ZNF324: variants seen among roughly 807,000 people sequenced by gnomAD.
ZNF324 encodes zinc finger protein 324, also known as zinc finger protein 324A.
Under a neutral mutation model 10.3 loss-of-function variants are expected in ZNF324, and 3 were observed. The ratio of observed to expected loss-of-function variants is 0.29; its 90% CI spans 0.13 to 0.75. The LOEUF (loss-of-function observed/expected upper bound fraction) is 0.75, where lower values mean the gene tolerates loss of function less well. Among genes scored for constraint, ZNF324 ranks in the 30% least tolerant of loss-of-function variants. The pLI, the probability that ZNF324 is intolerant of heterozygous loss-of-function variation, is 0.69. For missense variants in ZNF324, 763 were observed against 784.4 expected (o/e 0.97, Z 0.33); for synonymous variants, 430 against 339.5 (o/e 1.27, Z -2.93).
chr19:58,470,563 C>T (rs577922382), intron 3 of ZNF324, 168 bp from the exon 4 acceptor site: 6 of 799,812 alleles, frequency 7.5e-6, no homozygotes, highest in Middle Eastern at 4.4e-4. Context: ...CCTATCAGGG[C>T]AGATTGTTCC....
Position 58,475,387 on chromosome 19 carries a change from T to C in ZNF324, c.*3233T>C, listed in dbSNP as rs1463702799. The C allele has an allele frequency of 4.6e-5, 7 of 152,362 alleles. No homozygotes were observed. The highest frequency in any genetic ancestry group is 1.7e-4 in the African/African-American group (7 of 41,592). 9.4% of individuals were successfully genotyped at this position (152,362 alleles called of 1,614,324 possible). A position where few individuals can be genotyped will look rare whatever the true frequency, so the allele number is the denominator to read the frequency against. ...GAGAAACTAGTGTCACCCTGGCTAG[T>C]TCTGCTCCCCAAATTCAAAGGTAAA... is the stretch of plus-strand genomic sequence containing the variant. On this transcript the variant is annotated 3_prime_UTR_variant, in exon 4 of 4. Coordinates refer to ENST00000196482, the MANE Select transcript of ZNF324 (RefSeq NM_014347.3).
chr19:58,472,596 C>G lies in ZNF324; in HGVS notation c.*442C>G, dbSNP rs2053047216. The stretch of plus-strand genomic sequence containing the variant: ...ATGCCCGCTGAGGGTATTCTCCCCT[C>G]AACCCACTGCCTCTGTTCATCCAAG... On this transcript the variant is annotated 3_prime_UTR_variant, in exon 4 of 4. Transcript: ENST00000196482. The G allele has an allele frequency of 6.1e-6, 1 of 163,198 alleles. No homozygotes were observed. Among genetic ancestry groups the G allele is most frequent in the Admixed American group, 6.1e-5 (1 of 16,482 alleles). The allele number at this position is 163,198 out of a possible 1,614,324, so 10.1% of individuals were successfully genotyped here. A position where few individuals can be genotyped will look rare whatever the true frequency, so the allele number is the denominator to read the frequency against.
chr19:58,468,330 G>A, intron 1 of ZNF324: 1 of 821,876 alleles, frequency 1.2e-6, no homozygotes, highest in Non-Finnish European at 1.5e-6. Context: ...GGGATGCCTG[G>A]GGCTATTGGG....
rs1568611421 is a variant in ZNF324, at chr19:58,470,536, G to GTGTAGT, written c.239-194_239-189dup. On this transcript the variant is annotated intron_variant, in intron 3 of 3. Transcript: ENST00000196482. Reference sequence around the variant, plus strand: ...GCCACCTTGATCATGGGAGTGCCCAGTGTAGTCAGTGCCATACCTATCAGG... The same window carrying GTGTAGT: ...GCCACCTTGATCATGGGAGTGCCCAGTGTAGTTGTAGTCAGTGCCATACCTATCAGG... The GTGTAGT allele has an allele frequency of 4.2e-6, 3 of 719,260 alleles. No individual in the cohort carries two copies. In the East Asian group the frequency reaches 8.1e-5, roughly 19 times the overall value. The allele number at this position is 719,260 out of a possible 1,614,324, so 44.6% of individuals were successfully genotyped here. A position where few individuals can be genotyped will look rare whatever the true frequency, so the allele number is the denominator to read the frequency against.
chr19:58,469,113 A>G, intron 1 of ZNF324, 67 bp from the exon 2 acceptor site: 3 of 1,608,084 alleles, frequency 1.9e-6, no homozygotes, highest in East Asian at 2.2e-5. Flanking sequence ...AATGTGGCCC[A>G]GGGAAGCCAA....
chr19:58,473,934 TCTG>T lies in ZNF324; in HGVS notation c.*1787_*1789del, dbSNP rs1361998665. On this transcript the variant is annotated 3_prime_UTR_variant, in exon 4 of 4. Transcript: ENST00000196482. ...GAAACCAAGGCAGGGCTGTGTTCCT[TCTG>T]CTGCTGAGATAGAGGGTGTGGCCAT... 1.3e-5 allele frequency: 2 copies of T among 152,416 alleles called. No homozygotes were observed. The highest frequency in any genetic ancestry group is 2.1e-4 in the South Asian group (1 of 4,830). The allele number at this position is 152,416 out of a possible 1,614,324, so 9.4% of individuals were successfully genotyped here.
chr19:58,470,608 A>G (rs1568611466), intron 3 of ZNF324, 123 bp from the exon 4 acceptor site: 2 of 1,233,112 alleles, frequency 1.6e-6, no homozygotes, highest in Non-Finnish European at 2.4e-6. Context: ...GGCCAGCCTC[A>G]CCTCTACTTT....
rs2122425006 is a variant in ZNF324, at chr19:58,473,444, A to T, written c.*1290A>T. The T allele has an allele frequency of 6.7e-6, 1 of 149,830 alleles. No individual in the cohort carries two copies. The highest frequency in any genetic ancestry group is 1.5e-5 in the Non-Finnish European group (1 of 67,786). 9.3% of individuals were successfully genotyped at this position (149,830 alleles called of 1,614,324 possible). A position where few individuals can be genotyped will look rare whatever the true frequency, so the allele number is the denominator to read the frequency against. ...AAAAAAAAAAAGACTACCATCTGCA[A>T]CTCAGAGTAGGTGTTGCAGTTTCCT... is the stretch of plus-strand genomic sequence containing the variant. On this transcript the variant is annotated 3_prime_UTR_variant, in exon 4 of 4. Coordinates refer to ENST00000196482, the MANE Select transcript of ZNF324 (RefSeq NM_014347.3).
In ZNF324 at chr19:58,472,533, A is replaced by G; in HGVS notation, c.*379A>G. Reference sequence around the variant, plus strand: ...GCATGGGTTGGGGGTGGCCCAGAGAAACTTATGACAGCTGTACACAAACTG... The same window carrying G: ...GCATGGGTTGGGGGTGGCCCAGAGAGACTTATGACAGCTGTACACAAACTG... On this transcript the variant is annotated 3_prime_UTR_variant, in exon 4 of 4. Coordinates refer to ENST00000196482, the MANE Select transcript of ZNF324 (RefSeq NM_014347.3). The G allele has an allele frequency of 4.8e-6, 1 of 209,018 alleles. No individual in the cohort carries two copies. The highest frequency in any genetic ancestry group is 9.6e-6 in the Non-Finnish European group (1 of 104,218). The allele number at this position is 209,018 out of a possible 1,614,324, so 12.9% of individuals were successfully genotyped here. A position where few individuals can be genotyped will look rare whatever the true frequency, so the allele number is the denominator to read the frequency against.
chr19:58,473,412 T>TG lies in ZNF324; in HGVS notation c.*1260dup, dbSNP rs201238042. On this transcript the variant is annotated 3_prime_UTR_variant, in exon 4 of 4. Coordinates refer to ENST00000196482, the MANE Select transcript of ZNF324 (RefSeq NM_014347.3). ...CCAAGGAAATTCATGTTCTCCTTAA[T>TG]GGAAAAAAAAAAAAAAAGACTACCA... 2.4e-4 allele frequency: 1 copy of TG among 4,144 alleles called. No individual in the cohort carries two copies. The highest frequency in any genetic ancestry group is 2.6e-3 in the African/African-American group (1 of 382). 0.3% of individuals were successfully genotyped at this position (4,144 alleles called of 1,614,324 possible).
In ZNF324 at chr19:58,474,282, T is replaced by TG. The variant is rs1243212967; in HGVS notation, c.*2132dup. On this transcript the variant is annotated 3_prime_UTR_variant, in exon 4 of 4. Transcript: ENST00000196482. Reference sequence around the variant, plus strand: ...TTCCCTGCCTGAAAGAGCACTTTTCTGGGGAGCCCATGGGAGTCAGGAGCA... The same window carrying TG: ...TTCCCTGCCTGAAAGAGCACTTTTCTGGGGGAGCCCATGGGAGTCAGGAGCA... 6.6e-6 allele frequency: 1 copy of TG among 152,236 alleles called. No homozygotes were observed. Among genetic ancestry groups the TG allele is most frequent in the Non-Finnish European group, 1.5e-5 (1 of 68,042 alleles). The allele number at this position is 152,236 out of a possible 1,614,324, so 9.4% of individuals were successfully genotyped here.
Position 58,471,458 on chromosome 19 carries a change from C to T in ZNF324, c.966C>T (p.Phe322=), listed in dbSNP as rs1351239167. ...PYACPVCGKA[F]RHSSSLVRHQ... ...CGTGCCCCGTGTGCGGCAAGGCCTT[C>T]CGGCATAGCTCCTCGCTGGTGCGGC... Residue 322 remains phenylalanine (F), a synonymous_variant, in exon 4 of 4, where the codon TTC becomes TTT. Coordinates refer to ENST00000196482, the MANE Select transcript of ZNF324 (RefSeq NM_014347.3). 2 of 1,601,772 alleles carry T rather than the reference C, an allele frequency of 1.2e-6. No homozygotes were observed. Among genetic ancestry groups the T allele is most frequent in the Non-Finnish European group, 1.7e-6 (2 of 1,172,886 alleles).
At position 58,470,307 on chromosome 19, in the gene ZNF324, G is replaced by T. The variant is rs1220333159; in HGVS notation, c.239-424G>T. Among the ~76,000 whole-genome samples, 11 of 151,796 alleles carry T rather than the reference G, an allele frequency of 7.2e-5. 1 individual carries two copies. The South Asian group carries it at 2.3e-3, about 32-fold the overall frequency. On this transcript the variant is annotated intron_variant, in intron 3 of 3. Coordinates refer to ENST00000196482, the MANE Select transcript of ZNF324 (RefSeq NM_014347.3). ...TGGTGGGAGAGGCAGTCGGTAAGCA[G>T]GATTCAGGAGTATAGTCTAGAGCAC...
intron 1 of ZNF324, 173 bp downstream of exon 1, chr19:58,467,356 G>A (rs545819104): frequency 6.6e-6 from 1 of 152,380 alleles, no homozygotes; most frequent in South Asian, 2.1e-4. Flanking sequence ...CAGCCCAGGA[G>A]GCTGCGCGCT....
Position 58,469,787 on chromosome 19 carries a change from G to A in ZNF324, c.181G>A (p.Val61Ile). Residue 61 changes from valine (V) to isoleucine (I), a missense_variant, in exon 3 of 4, where the codon GTT becomes ATT. Around this residue, in one of 3 missense-constraint regions of ZNF324, gnomAD observed 379 missense variants for 319.4 expected, o/e 1.19. Transcript: ENST00000196482. ...IQLERGEEPW[V>I]PSGTDTTLSR... The stretch of plus-strand genomic sequence containing the variant: ...ACTGGAGCGTGGCGAGGAGCCCTGG[G>A]TTCCCAGTGGAACGGACACAACCCT... 2.5e-6 allele frequency: 4 copies of A among 1,599,156 alleles called. No homozygotes were observed. The highest frequency in any genetic ancestry group is 3.4e-6 in the Non-Finnish European group (4 of 1,173,044).
At position 58,470,907 on chromosome 19, in the gene ZNF324, G is replaced by A. The variant is rs748746021; in HGVS notation, c.415G>A (p.Val139Met). The stretch of plus-strand genomic sequence containing the variant: ...ATCTCGGGAGAGAAAACCCACGGGG[G>A]TGTCGGTGATCTACTGGGAGAGGCT... ...SPSRERKPTG[V>M]SVIYWERLLL... Residue 139 changes from valine (V) to methionine (M), a missense_variant, in exon 4 of 4, where the codon GTG becomes ATG. Transcript: ENST00000196482. 6.2e-6 allele frequency: 10 copies of A among 1,614,132 alleles called. No individual in the cohort carries two copies. In the African/African-American group the frequency reaches 1.3e-4, roughly 22 times the overall value.
chr19:58,471,166 G>T lies in ZNF324; in HGVS notation c.674G>T (p.Gly225Val). 1 of 1,613,792 alleles carries T rather than the reference G, an allele frequency of 6.2e-7. No homozygotes were observed. The change falls in exon 4 of 4, where the codon GGT (glycine) becomes GTT (valine). Residue 225 changes from glycine (G) to valine (V), a missense_variant. Physicochemically the swap from Gly to Val is moderately radical, Grantham distance 109 (BLOSUM62 -3). Coordinates refer to ENST00000196482, the MANE Select transcript of ZNF324 (RefSeq NM_014347.3). ...GGCGGTCGGGGACATCACCGAATGG[G>T]TGCAGTTTGGCAGGAGCCTCATAGA... ...AAGGRGHHRM[G>V]AVWQEPHRLL...
Position 58,472,040 on chromosome 19 carries a change from G to C in ZNF324, c.1548G>C (p.Leu516=). ...CCGTCCGGCGATCCAGGGCCAGCCT[G>C]CACCCCCAGGCCAGGTCTGTTGCCG... ...EKTVRRSRAS[L]HPQARSVAGA... The change falls in exon 4 of 4, where the codon CTG becomes CTC. Residue 516 remains leucine, a synonymous_variant. Coordinates refer to ENST00000196482, the MANE Select transcript of ZNF324 (RefSeq NM_014347.3). 1.2e-6 allele frequency: 2 copies of C among 1,606,574 alleles called. No homozygotes were observed. The highest frequency in any genetic ancestry group is 8.5e-7 in the Non-Finnish European group (1 of 1,179,536).
Position 58,472,229 on chromosome 19 carries a change from A to G in ZNF324, c.*75A>G, listed in dbSNP as rs996263437. 7.1e-7 allele frequency: 1 copy of G among 1,411,588 alleles called. No individual in the cohort carries two copies. The highest frequency in any genetic ancestry group is 2.6e-5 in the Admixed American group (1 of 38,536). 87.4% of individuals were successfully genotyped at this position (1,411,588 alleles called of 1,614,324 possible). A position where few individuals can be genotyped will look rare whatever the true frequency, so the allele number is the denominator to read the frequency against. On this transcript the variant is annotated 3_prime_UTR_variant, in exon 4 of 4. Transcript: ENST00000196482. ...GGGCATATGTCCTCTGCAGATCCACAGCAGAGAAAAAGTCCCGTGCTTGCT... is the reference window on the plus strand; with the variant it reads ...GGGCATATGTCCTCTGCAGATCCACGGCAGAGAAAAAGTCCCGTGCTTGCT...
Sources: allele counts gnomAD v4.1 joint callset (sites outside exome capture counted in the v4.1 genomes callset), GRCh38; gene constraint gnomAD v4.1.1; regional missense constraint gnomAD v4.1.1; transcripts MANE v1.5; gene names NCBI Gene and HGNC (gene_info 2026-07-23, HGNC 2026-07-21).